The following SLC30A10 variants were observed in gnomAD, a reference collection of about 807,000 sequenced individuals.
The protein encoded by SLC30A10 is solute carrier family 30 member 10.
SLC30A10 carries 8 observed loss-of-function variants against 21.7 expected under a neutral mutation model. The ratio of observed to expected loss-of-function variants is 0.37; its 90% confidence interval spans 0.22 to 0.67. The LOEUF (loss-of-function observed/expected upper bound fraction) is 0.67. SLC30A10 is among the 30% of genes least tolerant of loss of function. The probability of loss-of-function intolerance (pLI) is 0.58; values close to 1 mark genes in which losing one functional copy is unlikely to be tolerated. For synonymous variants in SLC30A10, 272 were observed against 279.4 expected, an observed-to-expected ratio of 0.97 and a Z score of 0.26; for missense variants, 521 against 642.5, an observed-to-expected ratio of 0.81 and a Z score of 2.04.
At position 219,918,420 on chromosome 1, in the gene SLC30A10, G is replaced by C; in HGVS notation, c.793C>G (p.Leu265Val). The change falls in exon 3 of 4, where the codon CTT becomes GTT. Residue 265 changes from leucine (L) to valine (V), a missense_variant. Coordinates refer to ENST00000366926, the MANE Select transcript of SLC30A10 (RefSeq NM_018713.3). The surrounding 1 kb of genome is among the most constrained non-coding windows in gnomAD (Gnocchi z 4.4). Reference sequence around the variant, plus strand: ...CACGGGTCCTCACTCTTCAGGGGAAGCACATAGAATATGATGGCCGTGATG... The same window carrying C: ...CACGGGTCCTCACTCTTCAGGGGAACCACATAGAATATGATGGCCGTGATG... ...VVITAIIFYV[L>V]PLKSEDPCNW... 2 of 1,614,092 alleles carry C rather than the reference G, an allele frequency of 1.2e-6. No individual in the cohort carries two copies. The highest frequency in any genetic ancestry group is 1.7e-5 in the Admixed American group (1 of 60,006).
At chr1:219,956,232 G>A (rs748061247) in intron 1 of SLC30A10, among the ~76,000 whole-genome samples, 1 of 151,268 alleles carries the variant, frequency 6.6e-6, no homozygotes, top group African/African-American at 2.4e-5. Context: ...GTGCAGTGGT[G>A]TGATCATAGC....
chr1:219,947,074 GC>G (rs1660196548), intron 1 of SLC30A10, among the ~76,000 whole-genome samples: 1 of 152,106 alleles, frequency 6.6e-6, no homozygotes, highest in Non-Finnish European at 1.5e-5. Flanking sequence ...TCAGCCAGTT[GC>G]CCCTTCAACC....
At chr1:219,924,731 A>G (rs1357013162) in intron 2 of SLC30A10, among the ~76,000 whole-genome samples, 1 of 152,244 alleles carries the variant, frequency 6.6e-6, no homozygotes, top group Admixed American at 6.5e-5. Context: ...TCATTCATGA[A>G]TGGTACCAGG....
intron 2 of SLC30A10, among the ~76,000 whole-genome samples, chr1:219,922,151 T>C (rs954120750): frequency 8.2e-6 from 1 of 121,732 alleles, no homozygotes; most frequent in African/African-American, 3.2e-5. Flanking sequence ...TTTTTTTACC[T>C]TCTTGTTTGT....
upstream of SLC30A10, among the ~76,000 whole-genome samples, chr1:219,929,522 ACT>A (rs1659932652): frequency 7.4e-6 from 1 of 134,704 alleles, no homozygotes; most frequent in South Asian, 2.5e-4. Flanking sequence ...CCAAATAAAG[ACT>A]CTTTTTTTTT....
chr1:219,947,149 T>A (rs573941985), intron 1 of SLC30A10, among the ~76,000 whole-genome samples: 3 of 152,298 alleles, frequency 2.0e-5, no homozygotes, highest in South Asian at 2.1e-4. Context: ...GATGTAAGGA[T>A]CATCTTTATT....
intron 1 of SLC30A10, among the ~76,000 whole-genome samples, chr1:219,955,081 G>A (rs532207539): frequency 7.9e-5 from 12 of 152,182 alleles, no homozygotes; most frequent in Non-Finnish European, 1.3e-4. Flanking sequence ...ATAGGAAAAC[G>A]TATAAACGTT....
chr1:219,924,991 C>T (rs148840131), intron 2 of SLC30A10, among the ~76,000 whole-genome samples: 10 of 152,304 alleles, frequency 6.6e-5, no homozygotes, highest in Non-Finnish European at 1.0e-4. Context: ...AGCCACCGCA[C>T]TATTCACCTC....
chr1:219,945,097 T>G (rs1660170530), intron 1 of SLC30A10, among the ~76,000 whole-genome samples: 1 of 152,224 alleles, frequency 6.6e-6, no homozygotes, highest in Non-Finnish European at 1.5e-5. Context: ...ATGATTCCAT[T>G]TATTTAACAT....
rs1428030335 is a variant in SLC30A10 at position 219,918,549 on chromosome 1, A to T, written c.719-55T>A. 4.6e-6 allele frequency: 7 copies of T among 1,521,270 alleles called. No individual in the cohort carries two copies. The East Asian group carries it at 6.8e-5, about 15-fold the overall frequency. The allele number at this position is 1,521,270 out of a possible 1,614,324, so 94.2% of individuals were successfully genotyped here. On this transcript the variant is annotated intron_variant, in intron 2 of 3. Coordinates refer to ENST00000366926, the MANE Select transcript of SLC30A10 (RefSeq NM_018713.3). The surrounding 1 kb of genome is among the most constrained non-coding windows in gnomAD (Gnocchi z 4.4). ...GATGCAAATCTGGAAGCCACGTGACACTCACTGACTTGGGTGTCCGGGTAT... is the reference window on the plus strand; with the variant it reads ...GATGCAAATCTGGAAGCCACGTGACTCTCACTGACTTGGGTGTCCGGGTAT...
intron 1 of SLC30A10, among the ~76,000 whole-genome samples, chr1:219,943,292 G>T (rs73084855): frequency 0.14 from 21,353 of 151,962 alleles, 2,484 homozygotes; most frequent in African/African-American, 0.32. Context: ...TCAATAGAAG[G>T]TGCCCCTGCT....
chr1:219,926,072 T>C (rs994904650), intron 2 of SLC30A10, among the ~76,000 whole-genome samples: 12 of 152,144 alleles, frequency 7.9e-5, no homozygotes, highest in Non-Finnish European at 1.3e-4. Context: ...AGAGAGCAAA[T>C]TCCCCTGTTG....
chr1:219,953,915 G>A lies in SLC30A10; in HGVS notation n.80+4653C>T, dbSNP rs1195375657. Among the ~76,000 whole-genome samples the A allele has an allele frequency of 2.6e-5, 4 of 151,110 alleles. No individual in the cohort carries two copies. In the East Asian group the frequency reaches 6.0e-4, roughly 23 times the overall value. ...TAGAGATGGGGTTTCACCGTGTTAGGCAGGATGGTCTCGATCTCCTGACCT... is the reference window on the plus strand; with the variant it reads ...TAGAGATGGGGTTTCACCGTGTTAGACAGGATGGTCTCGATCTCCTGACCT... On this transcript the variant is annotated intron_variant and non_coding_transcript_variant, in intron 1 of 8. Transcript: ENST00000484239.
At chr1:219,928,703 G>A (rs1659912282), upstream of SLC30A10, 2 of 410,088 alleles carry the variant, frequency 4.9e-6, no homozygotes, top group Non-Finnish European at 8.5e-6. The surrounding 1 kb of genome is among the most constrained non-coding windows in gnomAD (Gnocchi z 6.3). Context: ...CTCCCTCGCG[G>A]CCTGGGCCTG....
chr1:219,910,605 C>A lies in SLC30A10; in HGVS notation c.*4844G>T, dbSNP rs1474369227. ...TCTCTCAAATGTGAGGATTGCAACT[C>A]TAGCAAAATTGCCTGTGAGGACAGG... On this transcript the variant is annotated 3_prime_UTR_variant, in exon 4 of 4. Transcript: ENST00000366926. 6.6e-6 allele frequency among the ~76,000 whole-genome samples: 1 copy of A among 152,164 alleles called. No individual in the cohort carries two copies. The highest frequency in any genetic ancestry group is 1.5e-5 in the Non-Finnish European group (1 of 68,024).
chr1:219,936,241 G>C (rs1213213926), intron 1 of SLC30A10, among the ~76,000 whole-genome samples: 1 of 152,148 alleles, frequency 6.6e-6, no homozygotes, highest in Non-Finnish European at 1.5e-5. Flanking sequence ...ATACTACTTA[G>C]TGTATCTAGT....
At chr1:219,928,941 G>A (rs901418211), upstream of SLC30A10, among the ~76,000 whole-genome samples, 1 of 152,248 alleles carries the variant, frequency 6.6e-6, no homozygotes, top group African/African-American at 2.4e-5. The surrounding 1 kb of genome is among the most constrained non-coding windows in gnomAD (Gnocchi z 6.3). Flanking sequence ...TGTTCGCTGC[G>A]GTGGACTGGG....
In SLC30A10 at chr1:219,934,664, G is replaced by A. The variant is rs575566796; in HGVS notation, n.81-7559C>T. 1.5e-4 allele frequency among the ~76,000 whole-genome samples: 23 copies of A among 152,156 alleles called. No homozygotes were observed. The South Asian group carries it at 4.6e-3, about 30-fold the overall frequency. On this transcript the variant is annotated intron_variant and non_coding_transcript_variant, in intron 1 of 8. Coordinates refer to the SLC30A10 transcript ENST00000484239. ...AAGAGATTCTTGACTTGAGGTGAACGCTATTATTTTTCCATGAGATATGGA... is the reference window on the plus strand; with the variant it reads ...AAGAGATTCTTGACTTGAGGTGAACACTATTATTTTTCCATGAGATATGGA...
At chr1:219,950,659 T>C (rs915532839) in intron 1 of SLC30A10, among the ~76,000 whole-genome samples, 11 of 151,382 alleles carry the variant, frequency 7.3e-5, no homozygotes, top group African/African-American at 2.7e-4. Flanking sequence ...AATAAATAAA[T>C]AACACATAGG....
Sources: allele counts gnomAD v4.1 joint callset (sites outside exome capture counted in the v4.1 genomes callset), GRCh38; gene constraint gnomAD v4.1.1; non-coding constraint Gnocchi (gnomAD v3.1); transcripts MANE v1.5; gene names NCBI Gene and HGNC (gene_info 2026-07-23, HGNC 2026-07-21).